SHISA9: variants seen among roughly 807,000 people sequenced by gnomAD.
The protein encoded by SHISA9 is protein shisa-9.
SHISA9 carries 13 observed loss-of-function variants against 38.0 expected under a neutral mutation model. That is an observed-to-expected ratio of 0.34 (90% CI 0.22 to 0.54). SHISA9 has a LOEUF of 0.54. Ranked by LOEUF, SHISA9 falls within the 20% of genes least tolerant of loss-of-function variation. The probability of loss-of-function intolerance (pLI) is 0.91; values close to 1 mark genes in which losing one functional copy is unlikely to be tolerated. For synonymous variants in SHISA9, 275 were observed against 242.0 expected (o/e 1.14, Z -1.27); for missense variants, 538 against 575.8 (o/e 0.93, Z 0.67).
the SHISA9 span, among the ~76,000 whole-genome samples, chr16:13,256,185 A>G: frequency 1.3e-5 from 2 of 152,234 alleles, no homozygotes; most frequent in African/African-American, 2.4e-5. Context: ...GACGCAGATC[A>G]GATTCTTTCC....
At chr16:13,359,474 C>G in the SHISA9 span, among the ~76,000 whole-genome samples, 1 of 152,166 alleles carries the variant, frequency 6.6e-6, no homozygotes, top group African/African-American at 2.4e-5. Context: ...CAGAGTGAGA[C>G]TCCATCTCAG....
the SHISA9 span, among the ~76,000 whole-genome samples, chr16:13,469,381 G>GAAAGAAAGAAAAGAA: frequency 2.0e-5 from 2 of 100,392 alleles, no homozygotes. Context: ...AAGAAAGAAA[G>GAAAGAAAGAAAAGAA]AAAGAAAGAA....
In SHISA9 at chr16:12,915,329, G is replaced by A. The variant is rs139847922; in HGVS notation, c.564-1359G>A. 2.3e-4 allele frequency among the ~76,000 whole-genome samples: 35 copies of A among 152,292 alleles called. No individual in the cohort carries two copies. In the East Asian group the frequency reaches 4.4e-3, roughly 19 times the overall value. Reference sequence around the variant, plus strand: ...ACAAAATAAAACAAAGTAGCTGGGGGTGGTGGCATGTGCCTGTGGTCCCAG... The same window carrying A: ...ACAAAATAAAACAAAGTAGCTGGGGATGGTGGCATGTGCCTGTGGTCCCAG... On this transcript the variant is annotated intron_variant, in intron 1 of 4. Coordinates refer to ENST00000558583, the MANE Select transcript of SHISA9 (RefSeq NM_001145204.3).
At chr16:13,142,854 T>C (rs1161240785) in intron 2 of SHISA9, among the ~76,000 whole-genome samples, 1 of 152,140 alleles carries the variant, frequency 6.6e-6, no homozygotes, top group Non-Finnish European at 1.5e-5. Flanking sequence ...CAGGATGCTA[T>C]AGAGACTGTA....
chr16:13,152,845 G>A (rs1376049907), intron 2 of SHISA9, among the ~76,000 whole-genome samples: 2 of 152,190 alleles, frequency 1.3e-5, no homozygotes, highest in Non-Finnish European at 2.9e-5. Context: ...AGGTTACATG[G>A]CAAGAGAGAA....
At chr16:13,117,164 C>T (rs2074038578) in intron 2 of SHISA9, among the ~76,000 whole-genome samples, 1 of 152,122 alleles carries the variant, frequency 6.6e-6, no homozygotes, top group Non-Finnish European at 1.5e-5. Flanking sequence ...TTAGTGGAGA[C>T]AGGGTTTCAC....
chr16:13,425,221 C>T, the SHISA9 span, among the ~76,000 whole-genome samples: 99 of 151,974 alleles, frequency 6.5e-4, no homozygotes, highest in Middle Eastern at 3.4e-3. Flanking sequence ...GGGCTGCGTG[C>T]GGTGGCTCAC....
At chr16:13,291,686 C>T in the SHISA9 span, among the ~76,000 whole-genome samples, 1 of 152,064 alleles carries the variant, frequency 6.6e-6, no homozygotes, top group Non-Finnish European at 1.5e-5. Flanking sequence ...GAAAAGATGT[C>T]TCATGACACC....
At chr16:13,468,154 A>G in the SHISA9 span, among the ~76,000 whole-genome samples, 1 of 152,230 alleles carries the variant, frequency 6.6e-6, no homozygotes, top group Non-Finnish European at 1.5e-5. Context: ...GCAAGATCTC[A>G]TTTTAAAAGA....
the SHISA9 span, among the ~76,000 whole-genome samples, chr16:13,314,341 G>A: frequency 2.6e-5 from 4 of 152,020 alleles, no homozygotes; most frequent in Non-Finnish European, 5.9e-5. Context: ...AGCCTCCCGA[G>A]TAGCTGGGAT....
chr16:12,937,186 G>A (rs1478500914), intron 2 of SHISA9, among the ~76,000 whole-genome samples: 1 of 152,154 alleles, frequency 6.6e-6, no homozygotes, highest in African/African-American at 2.4e-5. Context: ...TCTAGGCAGT[G>A]TCTTATGTCT....
the SHISA9 span, among the ~76,000 whole-genome samples, chr16:13,382,238 T>G: frequency 6.6e-6 from 1 of 152,154 alleles, no homozygotes; most frequent in Non-Finnish European, 1.5e-5. Flanking sequence ...AGTAAGAATA[T>G]TTATTATGAC....
At chr16:13,477,337 C>T in the SHISA9 span, among the ~76,000 whole-genome samples, 3 of 152,128 alleles carry the variant, frequency 2.0e-5, no homozygotes, top group Admixed American at 2.0e-4. Flanking sequence ...TAGAAAAGCT[C>T]TCTCAGAGAA....
intron 2 of SHISA9, among the ~76,000 whole-genome samples, chr16:13,107,351 C>G (rs149949427): frequency 2.2e-4 from 33 of 152,116 alleles, no homozygotes; most frequent in African/African-American, 8.0e-4. Flanking sequence ...AGGAGAATCG[C>G]TTGAACCCAG....
At chr16:13,224,251 C>T (rs1216092844) in intron 4 of SHISA9, among the ~76,000 whole-genome samples, 2 of 152,216 alleles carry the variant, frequency 1.3e-5, no homozygotes, top group African/African-American at 4.8e-5. Context: ...TAATCAATCC[C>T]TGCCTTCTTC....
chr16:13,153,274 A>T (rs8063268), intron 2 of SHISA9, among the ~76,000 whole-genome samples: 67,173 of 151,976 alleles, frequency 0.44, 16,345 homozygotes, highest in Middle Eastern at 0.54. Flanking sequence ...TCAACCAGAA[A>T]AAAAAAACAA....
chr16:13,432,452 C>G, the SHISA9 span, among the ~76,000 whole-genome samples: 1 of 152,142 alleles, frequency 6.6e-6, no homozygotes, highest in Non-Finnish European at 1.5e-5. Context: ...ATGATTCAAA[C>G]GGAGGGTGAT....
At chr16:13,385,338 T>C in the SHISA9 span, among the ~76,000 whole-genome samples, 1 of 152,238 alleles carries the variant, frequency 6.6e-6, no homozygotes, top group African/African-American at 2.4e-5. Context: ...CAAAAATCTT[T>C]ACAGGAATGC....
chr16:13,289,541 C>CAA, the SHISA9 span, among the ~76,000 whole-genome samples: 2 of 147,166 alleles, frequency 1.4e-5, no homozygotes, highest in African/African-American at 5.0e-5. Context: ...AAACAGAAAA[C>CAA]AAAAAAAAAC....
Sources: gnomAD v4.1 joint callset for allele counts (sites outside exome capture counted in the v4.1 genomes callset) on GRCh38, gnomAD v4.1.1 for gene constraint, MANE v1.5 for transcripts, NCBI Gene and HGNC (gene_info 2026-07-23, HGNC 2026-07-21) for gene names.